ENOX2: variants seen among roughly 807,000 people sequenced by gnomAD.
ENOX2 encodes the protein ecto-NOX disulfide-thiol exchanger 2, also known as APK1 antigen.
A neutral mutation model predicts 45.0 loss-of-function variants in ENOX2; 36 were observed. The observed-to-expected ratio is 0.80, with a 90% CI of 0.61 to 1.06. The LOEUF (loss-of-function observed/expected upper bound fraction) is 1.06, where lower values mean the gene tolerates loss of function less well. Ranked by LOEUF, ENOX2 falls within the 50% of genes least tolerant of loss-of-function variation. The pLI is 0.00. For missense variants in ENOX2, 423 were observed against 462.5 expected, an observed-to-expected ratio of 0.91 and a Z score of 0.78; for synonymous variants, 174 against 152.3, an observed-to-expected ratio of 1.14 and a Z score of -1.05.
chrX:130,731,719 T>C (rs2038742170), intron 3 of ENOX2, among the ~76,000 whole-genome samples: 1 of 112,116 alleles, frequency 8.9e-6, no homozygotes, highest in Non-Finnish European at 1.9e-5. Context: ...CAAAAAATAA[T>C]TAATATGACA....
chrX:130,899,442 C>T (rs376687291), intron 2 of ENOX2, among the ~76,000 whole-genome samples: 1 of 112,041 alleles, frequency 8.9e-6, no homozygotes, highest in East Asian at 2.8e-4. Flanking sequence ...AAGGAGTTCA[C>T]AGTCTAGTGG....
intron 2 of ENOX2, among the ~76,000 whole-genome samples, chrX:130,848,735 C>G (rs899197077): frequency 9.0e-6 from 1 of 110,940 alleles, no homozygotes; most frequent in Non-Finnish European, 1.9e-5. Context: ...AACTGCAATC[C>G]CAGTGAACCA....
intron 3 of ENOX2, among the ~76,000 whole-genome samples, chrX:130,715,661 C>G (rs1318725255): frequency 4.5e-5 from 5 of 110,460 alleles, no homozygotes; most frequent in Non-Finnish European, 9.4e-5. Context: ...AGCCTTAATG[C>G]TGAACGATGC....
At chrX:130,889,922 C>T (rs2078961024) in intron 2 of ENOX2, among the ~76,000 whole-genome samples, 3 of 112,943 alleles carry the variant, frequency 2.7e-5, no homozygotes, top group Admixed American at 1.9e-4. Context: ...GGCAGCATGG[C>T]TGCCCACTAA....
intron 2 of ENOX2, among the ~76,000 whole-genome samples, chrX:130,841,928 CCT>C (rs777296740): frequency 4.3e-4 from 48 of 112,472 alleles, no homozygotes; most frequent in African/African-American, 1.4e-3. Flanking sequence ...CTCCTCCTCC[CCT>C]CTTTTCCAAT....
chrX:130,707,971 T>C (rs2038083539), intron 3 of ENOX2, among the ~76,000 whole-genome samples: 1 of 112,276 alleles, frequency 8.9e-6, no homozygotes, highest in African/African-American at 3.2e-5. Context: ...TATCTATGTG[T>C]CAGGCAGTAT....
At chrX:130,869,974 C>A (rs1320615999) in intron 2 of ENOX2, among the ~76,000 whole-genome samples, 1 of 111,877 alleles carries the variant, frequency 8.9e-6, no homozygotes. Flanking sequence ...ACTACAAATT[C>A]TACTTTTTAT....
At chrX:130,875,784 G>T (rs1159329628) in intron 2 of ENOX2, among the ~76,000 whole-genome samples, 1 of 110,989 alleles carries the variant, frequency 9.0e-6, no homozygotes, top group African/African-American at 3.3e-5. Flanking sequence ...AGCAACAAAA[G>T]AAAAAAAGAT....
At chrX:130,709,187 G>C in intron 3 of ENOX2, 1 of 1,045,560 alleles carries the variant, frequency 9.6e-7, no homozygotes, top group Non-Finnish European at 1.3e-6. Context: ...CAATAAGTGT[G>C]TTTTTAAATA....
At chrX:130,727,072 G>C (rs1208848393) in intron 3 of ENOX2, among the ~76,000 whole-genome samples, 2 of 112,328 alleles carry the variant, frequency 1.8e-5, no homozygotes, top group African/African-American at 6.5e-5. Context: ...AAGACAGTAA[G>C]TAAATGAACA....
intron 9 of ENOX2, among the ~76,000 whole-genome samples, chrX:130,661,554 G>A (rs2036689047): frequency 9.0e-6 from 1 of 111,678 alleles, no homozygotes; most frequent in African/African-American, 3.3e-5. Context: ...GGAAAGCAGA[G>A]GATAGGGAGA....
intron 3 of ENOX2, among the ~76,000 whole-genome samples, chrX:130,717,492 C>A (rs770607040): frequency 4.4e-4 from 49 of 111,883 alleles, no homozygotes; most frequent in Admixed American, 4.2e-3. Context: ...GGAAAGCATG[C>A]CCTCCTTGCA....
intron 2 of ENOX2, among the ~76,000 whole-genome samples, chrX:130,813,646 G>A (rs915427822): frequency 9.0e-6 from 1 of 111,708 alleles, no homozygotes; most frequent in African/African-American, 3.3e-5. Flanking sequence ...GAAGCTCAAG[G>A]GGTCAGGGAA....
intron 2 of ENOX2, among the ~76,000 whole-genome samples, chrX:130,830,483 C>T (rs1198918789): frequency 4.5e-5 from 5 of 111,777 alleles, no homozygotes; most frequent in African/African-American, 1.6e-4. Flanking sequence ...TTTCATCTTC[C>T]TACCACCAAA....
chrX:130,815,273 T>C (rs769934674), intron 2 of ENOX2, among the ~76,000 whole-genome samples: 35 of 112,147 alleles, frequency 3.1e-4, no homozygotes, highest in Non-Finnish European at 6.2e-4. Context: ...CTATGTTTGA[T>C]TGGTGTACCT....
intron 2 of ENOX2, among the ~76,000 whole-genome samples, chrX:130,876,607 T>C (rs938155133): frequency 4.5e-5 from 5 of 111,935 alleles, no homozygotes; most frequent in African/African-American, 1.3e-4. Context: ...GAGTAAACTG[T>C]ATGATATGTA....
Position 130,631,568 on chromosome X carries a change from A to G in ENOX2, c.1428T>C (p.Cys476=). 1 of 1,176,694 alleles carries G rather than the reference A, an allele frequency of 8.5e-7. No homozygotes were observed. Among genetic ancestry groups the G allele is most frequent in the Non-Finnish European group, 1.2e-6 (1 of 863,582 alleles). ...MLENLKEKES[C]ASRLCASNQD... is the part of the protein sequence containing the mutation. ...GGTTTGAGGCACACAGCCTAGAAGC[A>G]CAGCTTTCCTGTGGACACAACATGC... The change falls in exon 13 of 15, where the codon TGT becomes TGC. Residue 476 remains cysteine (C), a synonymous_variant. Coordinates refer to ENST00000394363, the MANE Select transcript of ENOX2 (RefSeq NM_006375.4).
At chrX:130,742,250 T>C (rs1469790070) in intron 3 of ENOX2, among the ~76,000 whole-genome samples, 6 of 91,293 alleles carry the variant, frequency 6.6e-5, no homozygotes, top group Admixed American at 2.3e-4. Context: ...ATTTCCTTTT[T>C]TTTTTTTTTT....
At chrX:130,679,780 A>C in intron 5 of ENOX2, 32 bp from the exon 6 acceptor site, 1 of 1,087,295 alleles carries the variant, frequency 9.2e-7, no homozygotes, top group Non-Finnish European at 1.3e-6. Context: ...ATTTGAAATT[A>C]AAATGTTTGC....
Sources: gnomAD v4.1 joint callset for allele counts (sites outside exome capture counted in the v4.1 genomes callset) on GRCh38, gnomAD v4.1.1 for gene constraint, MANE v1.5 for transcripts, NCBI Gene and HGNC (gene_info 2026-07-23, HGNC 2026-07-21) for gene names.